The following NAV3 variants were observed in gnomAD, a reference collection of about 807,000 sequenced individuals.
The protein encoded by NAV3 is pore membrane and/or filament interacting like protein 1.
NAV3 carries 87 observed loss-of-function variants against 244.7 expected under a neutral mutation model. The ratio of observed to expected loss-of-function variants is 0.36; its 90% CI spans 0.30 to 0.42. NAV3 has a LOEUF of 0.42. Ranked by LOEUF, NAV3 falls within the 20% of genes least tolerant of loss-of-function variation. NAV3 has a pLI of 1.00. For synonymous variants in NAV3, 1,126 were observed against 1,042.2 expected, an observed-to-expected ratio of 1.08 and a Z score of -1.55; for missense variants, 2,663 against 2,893.3, an observed-to-expected ratio of 0.92 and a Z score of 1.83.
intron 8 of NAV3, among the ~76,000 whole-genome samples, chr12:78,018,295 C>T (rs1340026261): frequency 6.6e-6 from 1 of 152,114 alleles, no homozygotes; most frequent in East Asian, 1.9e-4. Context: ...AGTAGGAATA[C>T]ATTTTTTTAA....
chr12:78,198,689 T>C lies in NAV3; in HGVS notation c.6518+13T>C. On this transcript the variant is annotated intron_variant, in intron 36 of 39. Coordinates refer to ENST00000397909, the MANE Select transcript of NAV3 (RefSeq NM_001024383.2). Reference sequence around the variant, plus strand: ...ATCACAATTTCAGGTAAAGTTAAGTTGAAGGTTTTTTTGTTTTGTTTTTTT... The same window carrying C: ...ATCACAATTTCAGGTAAAGTTAAGTCGAAGGTTTTTTTGTTTTGTTTTTTT... 1 of 1,484,796 alleles carries C rather than the reference T, an allele frequency of 6.7e-7. No homozygotes were observed. The highest frequency in any genetic ancestry group is 9.1e-7 in the Non-Finnish European group (1 of 1,103,352). 92.0% of individuals were successfully genotyped at this position (1,484,796 alleles called of 1,614,324 possible).
At chr12:77,655,581 A>G (rs1369968385) in intron 2 of NAV3, among the ~76,000 whole-genome samples, 3 of 152,124 alleles carry the variant, frequency 2.0e-5, no homozygotes, top group Admixed American at 1.3e-4. Flanking sequence ...GCAGGCCAAC[A>G]TTCAGATTCA....
At position 77,999,388 on chromosome 12, in the gene NAV3, C is replaced by G. The variant is rs138489940; in HGVS notation, c.880+912C>G. The stretch of plus-strand genomic sequence containing the variant: ...CACAAATGTTTAGTTAGTAGAACAT[C>G]TGGCTAATTGGGATCAAATAATTCA... On this transcript the variant is annotated intron_variant, in intron 7 of 39. Transcript: ENST00000397909. 7.2e-3 allele frequency among the ~76,000 whole-genome samples: 1,098 copies of G among 152,344 alleles called. 10 individuals are homozygous for G. Among genetic ancestry groups the G allele is most frequent in the Non-Finnish European group, 0.012 (787 of 68,024 alleles).
chr12:78,116,984 G>A (rs2138526151), intron 13 of NAV3, 80 bp downstream of exon 13: 3 of 1,461,538 alleles, frequency 2.1e-6, no homozygotes, highest in South Asian at 2.7e-5. Flanking sequence ...TTAAGGTATA[G>A]CACAAGCCCT....
At chr12:77,759,819 C>CT (rs1869374550) in intron 2 of NAV3, among the ~76,000 whole-genome samples, 3 of 152,128 alleles carry the variant, frequency 2.0e-5, no homozygotes, top group Middle Eastern at 3.4e-3. Context: ...GAACTAATGA[C>CT]TTTTTCCTAG....
At chr12:77,975,477 G>A (rs544289828) in intron 5 of NAV3, among the ~76,000 whole-genome samples, 86 of 152,336 alleles carry the variant, frequency 5.6e-4, no homozygotes, top group African/African-American at 1.8e-3. Flanking sequence ...CAAATCAGAT[G>A]TGTGGGAACA....
At chr12:77,612,637 C>A (rs1765208542) in intron 2 of NAV3, among the ~76,000 whole-genome samples, 1 of 152,054 alleles carries the variant, frequency 6.6e-6, no homozygotes, top group Non-Finnish European at 1.5e-5. Flanking sequence ...GATTTTAGAA[C>A]AAGAAGATAT....
intron 9 of NAV3, among the ~76,000 whole-genome samples, chr12:78,042,765 A>C (rs1456371942): frequency 6.6e-6 from 1 of 152,160 alleles, no homozygotes; most frequent in Non-Finnish European, 1.5e-5. Flanking sequence ...CTCCAGCCTG[A>C]GCAAAAGAGT....
rs1592662292 is a variant in NAV3, at chr12:77,766,740, T to G, written c.73-173579T>G. Among the ~76,000 whole-genome samples the G allele has an allele frequency of 1.4e-3, 33 of 23,034 alleles. 3 individuals are homozygous for G. Among genetic ancestry groups the G allele is most frequent in the East Asian group, 5.3e-3 (4 of 758 alleles). The allele number at this position is 23,034 out of a possible 152,430, so 15.1% of individuals were successfully genotyped here. ...TCTAAAAAACAGGCAATTAAGTTTTTTTTTTTTTTTTTTTTTTTTTTTTTT... is the reference window on the plus strand; with the variant it reads ...TCTAAAAAACAGGCAATTAAGTTTTGTTTTTTTTTTTTTTTTTTTTTTTTT... On this transcript the variant is annotated intron_variant, in intron 2 of 8. Transcript: ENST00000550042.
chr12:78,120,223 A>ATGG (rs1410098677), intron 15 of NAV3, among the ~76,000 whole-genome samples: 1 of 152,156 alleles, frequency 6.6e-6, no homozygotes, highest in Non-Finnish European at 1.5e-5. Flanking sequence ...TTAAAAGCTG[A>ATGG]TGGTAATACC....
At chr12:77,666,673 T>C (rs570187784) in intron 2 of NAV3, among the ~76,000 whole-genome samples, 11 of 152,294 alleles carry the variant, frequency 7.2e-5, no homozygotes, top group African/African-American at 2.4e-4. Context: ...TTGTGCTTCT[T>C]TGAGATTTAC....
At chr12:77,784,149 C>A (rs1371987859) in intron 2 of NAV3, among the ~76,000 whole-genome samples, 2 of 152,108 alleles carry the variant, frequency 1.3e-5, no homozygotes, top group Non-Finnish European at 1.5e-5. Context: ...TTAGGACCTG[C>A]CACTCAGTAA....
chr12:77,728,423 G>A (rs935100015), intron 2 of NAV3, among the ~76,000 whole-genome samples: 3 of 152,098 alleles, frequency 2.0e-5, no homozygotes, highest in East Asian at 1.9e-4. Flanking sequence ...GACTATTTCT[G>A]TAACTCCAGT....
intron 3 of NAV3, among the ~76,000 whole-genome samples, chr12:77,960,575 T>G (rs892391983): frequency 6.7e-6 from 1 of 149,046 alleles, no homozygotes; most frequent in African/African-American, 2.4e-5. Context: ...ACATAGCATA[T>G]ATTACCTATA....
intron 23 of NAV3, among the ~76,000 whole-genome samples, chr12:78,160,054 ACAAAGGC>A (rs1183237618): frequency 6.6e-6 from 1 of 152,174 alleles, no homozygotes; most frequent in Non-Finnish European, 1.5e-5. Flanking sequence ...CAGCTATGAA[ACAAAGGC>A]CAATCCTGTG....
chr12:78,067,427 C>T (rs1885148105), intron 12 of NAV3, among the ~76,000 whole-genome samples: 1 of 152,014 alleles, frequency 6.6e-6, no homozygotes, highest in South Asian at 2.1e-4. Flanking sequence ...TATTGATGCC[C>T]TCTCAAATTC....
intron 1 of NAV3, among the ~76,000 whole-genome samples, chr12:77,898,428 T>C (rs1192446728): frequency 6.6e-6 from 1 of 152,180 alleles, no homozygotes; most frequent in African/African-American, 2.4e-5. Context: ...AATAAGGTAT[T>C]GAACATTTTT....
chr12:77,749,952 C>A (rs1868756373), intron 2 of NAV3, among the ~76,000 whole-genome samples: 1 of 152,202 alleles, frequency 6.6e-6, no homozygotes, highest in Non-Finnish European at 1.5e-5. Flanking sequence ...AAGTCATGGG[C>A]AGCTGCTGCT....
chr12:78,204,590 A>C (rs1960086512), intron 38 of NAV3, among the ~76,000 whole-genome samples: 1 of 152,082 alleles, frequency 6.6e-6, no homozygotes, highest in Non-Finnish European at 1.5e-5. Flanking sequence ...CCATAATTGA[A>C]GCTTTTATTT....
Sources: gnomAD v4.1 joint callset for allele counts (sites outside exome capture counted in the v4.1 genomes callset) on GRCh38, gnomAD v4.1.1 for gene constraint, MANE v1.5 for transcripts, NCBI Gene and HGNC (gene_info 2026-07-23, HGNC 2026-07-21) for gene names.